CDH11: variants seen among roughly 807,000 people sequenced by gnomAD.
CDH11 encodes the protein cadherin 11.
In CDH11, 11 loss-of-function variants were observed where a neutral mutation model predicts 67.8. The ratio of observed to expected loss-of-function variants is 0.16; its 90% CI spans 0.10 to 0.27. The LOEUF (loss-of-function observed/expected upper bound fraction) is 0.27. Among genes scored for constraint, CDH11 ranks in the 10% least tolerant of loss-of-function variants. The probability of loss-of-function intolerance (pLI) is 1.00; values close to 1 mark genes in which losing one functional copy is unlikely to be tolerated. For synonymous variants in CDH11, 419 were observed against 400.0 expected, an observed-to-expected ratio of 1.05 and a Z score of -0.57; for missense variants, 847 against 1,031.2, an observed-to-expected ratio of 0.82 and a Z score of 2.45.
intron 1 of CDH11, among the ~76,000 whole-genome samples, chr16:65,080,612 T>C (rs1168599538): frequency 6.6e-6 from 1 of 152,246 alleles, no homozygotes; most frequent in Non-Finnish European, 1.5e-5. Flanking sequence ...TATGTGGGTA[T>C]AGTCATGCAT....
At chr16:65,039,696 CAA>C (rs2073826805) in intron 2 of CDH11, among the ~76,000 whole-genome samples, 1 of 152,026 alleles carries the variant, frequency 6.6e-6, no homozygotes, top group Non-Finnish European at 1.5e-5. Flanking sequence ...CAACAAAAGC[CAA>C]AATTGACAAA....
chr16:65,083,920 C>A (rs548500765), intron 1 of CDH11, among the ~76,000 whole-genome samples: 1 of 152,260 alleles, frequency 6.6e-6, no homozygotes, highest in East Asian at 1.9e-4. Context: ...GCTCTTCAAT[C>A]AGAGCAATTT....
At position 65,010,254 on chromosome 16, in the gene CDH11, G is replaced by A. The variant is rs542483784; in HGVS notation, c.-172-5213C>T. Among the ~76,000 whole-genome samples the A allele has an allele frequency of 4.6e-4, 70 of 152,156 alleles. No homozygotes were observed. The South Asian group carries it at 0.014, about 30-fold the overall frequency. On this transcript the variant is annotated intron_variant, in intron 2 of 12. Transcript: ENST00000268603. ...AAAGTCCCCTTGTTGGTGAGCTAAG[G>A]GGCTCTGGTATCCCTTTCAACAAAC... is the stretch of plus-strand genomic sequence containing the variant.
intron 4 of CDH11, among the ~76,000 whole-genome samples, chr16:64,996,466 G>A (rs969907350): frequency 2.5e-4 from 37 of 148,554 alleles, no homozygotes; most frequent in Non-Finnish European, 1.5e-4. Flanking sequence ...CTGCAGCCTG[G>A]GCAACAGAGC....
intron 11 of CDH11, among the ~76,000 whole-genome samples, chr16:64,963,198 T>G (rs77812721): frequency 6.6e-6 from 1 of 152,170 alleles, no homozygotes; most frequent in Admixed American, 6.5e-5. Context: ...AGGTCTTTAA[T>G]GGATAAAGTG....
At chr16:64,957,445 A>T (rs2071544940) in intron 11 of CDH11, among the ~76,000 whole-genome samples, 1 of 152,064 alleles carries the variant, frequency 6.6e-6, no homozygotes, top group Non-Finnish European at 1.5e-5. Flanking sequence ...CTACCACATG[A>T]AAAGCTCCCA....
Position 64,950,828 on chromosome 16 carries a change from C to T in CDH11, c.1833G>A (p.Leu611=). ...GGGCGCCTGTGCTCAGGCCGGCGTT[C>T]AGAATGTAGGCCTCTGCGTTGCAGG... ...LLSCNAEAYI[L]NAGLSTGALI... Residue 611 remains leucine (L), a synonymous_variant, in exon 12 of 13, where the codon CTG becomes CTA. Transcript: ENST00000268603. The T allele has an allele frequency of 6.2e-7, 1 of 1,614,202 alleles. No homozygotes were observed. Among genetic ancestry groups the T allele is most frequent in the Non-Finnish European group, 8.5e-7 (1 of 1,180,036 alleles).
At chr16:64,971,421 A>G (rs1195140326) in intron 11 of CDH11, among the ~76,000 whole-genome samples, 158 bp downstream of exon 11, 1 of 152,238 alleles carries the variant, frequency 6.6e-6, no homozygotes, top group Non-Finnish European at 1.5e-5. Context: ...GCATCAAATG[A>G]GCCCATGTTT....
intron 1 of CDH11, among the ~76,000 whole-genome samples, chr16:65,074,250 T>G (rs1165373289): frequency 6.6e-6 from 1 of 151,948 alleles, no homozygotes; most frequent in African/African-American, 2.4e-5. Flanking sequence ...GGGGACACAT[T>G]GCTGCTAAAA....
rs559254655 is a variant in CDH11 at position 65,036,900 on chromosome 16, G to T, written c.-173+16904C>A. Among the ~76,000 whole-genome samples the T allele has an allele frequency of 3.9e-5, 6 of 152,254 alleles. No homozygotes were observed. The East Asian group carries it at 1.2e-3, about 29-fold the overall frequency. On this transcript the variant is annotated intron_variant, in intron 2 of 12. Coordinates refer to ENST00000268603, the MANE Select transcript of CDH11 (RefSeq NM_001797.4). The stretch of plus-strand genomic sequence containing the variant: ...AATAACTCAGAAAATAAGAAATTTT[G>T]AGATGAGAAGACAAAAGGCAGAAAG...
chr16:65,035,529 A>G (rs979881947), intron 2 of CDH11, among the ~76,000 whole-genome samples: 4 of 152,220 alleles, frequency 2.6e-5, no homozygotes, highest in African/African-American at 9.6e-5. Context: ...AGACTGCATT[A>G]TCAAACCCAT....
chr16:65,021,526 G>A (rs572176352), intron 2 of CDH11, among the ~76,000 whole-genome samples: 18 of 146,352 alleles, frequency 1.2e-4, no homozygotes, highest in African/African-American at 4.0e-4. Context: ...GATTCAAGAA[G>A]AGAAAAACAA....
chr16:64,981,876 AG>A, intron 8 of CDH11, 171 bp downstream of exon 8: 3 of 563,704 alleles, frequency 5.3e-6, no homozygotes, highest in Non-Finnish European at 9.1e-6. Context: ...AGTCAGGAAC[AG>A]AGGTGAAGGG....
intron 2 of CDH11, among the ~76,000 whole-genome samples, chr16:65,046,469 G>A (rs1234473742): frequency 2.6e-5 from 4 of 152,188 alleles, no homozygotes; most frequent in African/African-American, 9.6e-5. Flanking sequence ...TGCTGCTTAT[G>A]GGCATCTCAG....
intron 4 of CDH11, among the ~76,000 whole-genome samples, chr16:64,994,203 A>G (rs2072709323): frequency 6.6e-6 from 1 of 152,164 alleles, no homozygotes; most frequent in Admixed American, 6.5e-5. Context: ...TCATTATTTC[A>G]TAGAAACAAT....
At chr16:65,110,026 G>C (rs532146256) in intron 1 of CDH11, among the ~76,000 whole-genome samples, 2 of 152,204 alleles carry the variant, frequency 1.3e-5, no homozygotes, top group Non-Finnish European at 2.9e-5. Context: ...ACGTGACACC[G>C]TGCTCAGCTA....
intron 1 of CDH11, among the ~76,000 whole-genome samples, chr16:65,103,361 T>C (rs1452702361): frequency 6.6e-6 from 1 of 152,180 alleles, no homozygotes; most frequent in Non-Finnish European, 1.5e-5. Flanking sequence ...GTAACAGAAT[T>C]GTTATATTAA....
chr16:65,005,727 T>G (rs1057356408), intron 2 of CDH11, among the ~76,000 whole-genome samples: 3 of 152,226 alleles, frequency 2.0e-5, no homozygotes, highest in Non-Finnish European at 2.9e-5. Context: ...GATTTGCTTT[T>G]GTCTGGCAAA....
intron 1 of CDH11, among the ~76,000 whole-genome samples, chr16:65,116,516 G>A (rs1395197190): frequency 6.6e-6 from 1 of 152,180 alleles, no homozygotes; most frequent in Non-Finnish European, 1.5e-5. Context: ...GACCATGTCA[G>A]GAGGATTTCT....
Sources: allele counts gnomAD v4.1 joint callset (sites outside exome capture counted in the v4.1 genomes callset), GRCh38; gene constraint gnomAD v4.1.1; transcripts MANE v1.5; gene names NCBI Gene and HGNC (gene_info 2026-07-23, HGNC 2026-07-21).